Variants in PIP4K2A observed in about 807,000 individuals in gnomAD.
The protein encoded by PIP4K2A is phosphatidylinositol 5-phosphate 4-kinase type-2 alpha.
In PIP4K2A, 14 loss-of-function variants were observed where a neutral mutation model predicts 42.9. The ratio of observed to expected loss-of-function variants is 0.33; its 90% confidence interval spans 0.22 to 0.51. PIP4K2A has a LOEUF of 0.51. Among genes scored for constraint, PIP4K2A ranks in the 20% least tolerant of loss-of-function variants. The pLI, the probability that PIP4K2A is intolerant of heterozygous loss-of-function variation, is 0.97. For missense variants in PIP4K2A, 434 were observed against 519.8 expected (o/e 0.83, Z 1.61); for synonymous variants, 192 against 192.2 (o/e 1.00, Z 0.01).
intron 1 of PIP4K2A, among the ~76,000 whole-genome samples, chr10:22,679,512 T>C (rs901956280): frequency 1.3e-5 from 2 of 152,142 alleles, no homozygotes. Context: ...CTCAGAAAAT[T>C]AAACACAGAG....
rs1473579409 is a variant in PIP4K2A at position 22,683,345 on chromosome 10, T to C, written c.144+30838A>G. On this transcript the variant is annotated intron_variant, in intron 1 of 9. Coordinates refer to ENST00000376573, the MANE Select transcript of PIP4K2A (RefSeq NM_005028.5). ...TTTCACAGTGATCCTAAGTCTTCCA[T>C]GCTGTGGTACAGACCCCAAGTTTTC... Among the ~76,000 whole-genome samples, 7 of 152,252 alleles carry C rather than the reference T, an allele frequency of 4.6e-5. No individual in the cohort carries two copies. The East Asian group carries it at 1.4e-3, about 29-fold the overall frequency.
At chr10:22,659,316 T>G (rs1171498) in intron 1 of PIP4K2A, among the ~76,000 whole-genome samples, 4,567 of 152,302 alleles carry the variant, frequency 0.03, 90 homozygotes, top group Non-Finnish European at 0.041. Context: ...TTGATTTGGC[T>G]GGGTGCAGTG....
intron 3 of PIP4K2A, among the ~76,000 whole-genome samples, chr10:22,602,491 C>T (rs973159299): frequency 2.0e-5 from 3 of 151,900 alleles, no homozygotes; most frequent in Non-Finnish European, 4.4e-5. Context: ...TTCCCCTGAG[C>T]AAAACCCACA....
chr10:22,660,289 G>A (rs1336655219), intron 1 of PIP4K2A, among the ~76,000 whole-genome samples: 2 of 152,022 alleles, frequency 1.3e-5, no homozygotes, highest in African/African-American at 4.8e-5. Flanking sequence ...TGGGCAACAT[G>A]GTCAAACCCC....
intron 7 of PIP4K2A, among the ~76,000 whole-genome samples, chr10:22,548,544 A>T (rs767324329): frequency 3.3e-5 from 5 of 152,208 alleles, no homozygotes; most frequent in Non-Finnish European, 5.9e-5. Context: ...GGATTTGCTG[A>T]TTAATCAATA....
chr10:22,660,986 T>C (rs1173626000), intron 1 of PIP4K2A, among the ~76,000 whole-genome samples: 1 of 152,184 alleles, frequency 6.6e-6, no homozygotes, highest in Non-Finnish European at 1.5e-5. Context: ...GCCACTCAGG[T>C]GTGGGACAAC....
intron 1 of PIP4K2A, among the ~76,000 whole-genome samples, chr10:22,657,368 C>G (rs1021492888): frequency 6.6e-6 from 1 of 152,214 alleles, no homozygotes; most frequent in Non-Finnish European, 1.5e-5. Context: ...ACCAGTCTTC[C>G]ATCAGCCCTT....
intron 1 of PIP4K2A, among the ~76,000 whole-genome samples, chr10:22,688,433 C>T (rs1268931434): frequency 5.3e-5 from 8 of 152,140 alleles, no homozygotes; most frequent in Admixed American, 3.9e-4. Context: ...GGGAAAACCA[C>T]AAAGTATCTA....
intron 1 of PIP4K2A, among the ~76,000 whole-genome samples, chr10:22,702,347 A>C (rs1473665185): frequency 6.6e-6 from 1 of 152,252 alleles, no homozygotes; most frequent in Non-Finnish European, 1.5e-5. Flanking sequence ...ACTTCTGAAT[A>C]CTACAATTTT....
intron 1 of PIP4K2A, among the ~76,000 whole-genome samples, chr10:22,711,334 TAACA>T (rs139088239): frequency 0.012 from 1,753 of 152,356 alleles, 20 homozygotes; most frequent in Middle Eastern, 0.082. Context: ...ACATTCAATA[TAACA>T]AACCCTTAGT....
intron 1 of PIP4K2A, among the ~76,000 whole-genome samples, chr10:22,624,459 A>G (rs1478062014): frequency 1.3e-5 from 2 of 152,238 alleles, no homozygotes; most frequent in Non-Finnish European, 2.9e-5. Context: ...ATCAAAGTAA[A>G]GATGATTCTA....
At chr10:22,602,551 G>A (rs1564438601) in intron 3 of PIP4K2A, among the ~76,000 whole-genome samples, 1 of 152,052 alleles carries the variant, frequency 6.6e-6, no homozygotes, top group Non-Finnish European at 1.5e-5. Flanking sequence ...GTGTCTTTGT[G>A]TTTCTTGCTA....
intron 4 of PIP4K2A, among the ~76,000 whole-genome samples, chr10:22,579,381 T>A (rs1279663304): frequency 6.6e-6 from 1 of 152,234 alleles, no homozygotes; most frequent in East Asian, 1.9e-4. Context: ...CGATGATTTA[T>A]ACAGAATTCA....
Position 22,573,218 on chromosome 10 carries a change from G to A in PIP4K2A, c.639+93C>T, listed in dbSNP as rs549166702. The A allele has an allele frequency of 1.0e-5, 12 of 1,152,296 alleles. No homozygotes were observed. In the East Asian group the frequency reaches 2.8e-4, roughly 27 times the overall value. 71.4% of individuals were successfully genotyped at this position (1,152,296 alleles called of 1,614,324 possible). A position where few individuals can be genotyped will look rare whatever the true frequency, so the allele number is the denominator to read the frequency against. On this transcript the variant is annotated intron_variant, in intron 5 of 9. Coordinates refer to ENST00000376573, the MANE Select transcript of PIP4K2A (RefSeq NM_005028.5). ...GTCTGGTAGCTTTAAGTGCTGAGCG[G>A]CTCCTAAGCATTTCTGATGATCAAT...
chr10:22,573,187 C>A, intron 5 of PIP4K2A, 124 bp downstream of exon 5: 1 of 821,468 alleles, frequency 1.2e-6, no homozygotes, highest in Non-Finnish European at 2.0e-6. Flanking sequence ...GAATACACTG[C>A]TACTTGTCTG....
chr10:22,669,896 T>C lies in PIP4K2A; in HGVS notation c.144+44287A>G, dbSNP rs182900499. Among the ~76,000 whole-genome samples the C allele has an allele frequency of 1.8e-3, 275 of 152,304 alleles. 3 individuals are homozygous for C. The highest frequency in any genetic ancestry group is 5.7e-3 in the African/African-American group (238 of 41,566). ...CTGTTAGTTCACAAGCTGACCATGATTACAGAAAGCCAGGCTGGGCCAGCC... is the reference window on the plus strand; with the variant it reads ...CTGTTAGTTCACAAGCTGACCATGACTACAGAAAGCCAGGCTGGGCCAGCC... On this transcript the variant is annotated intron_variant, in intron 1 of 9. Coordinates refer to ENST00000376573, the MANE Select transcript of PIP4K2A (RefSeq NM_005028.5).
Position 22,683,730 on chromosome 10 carries a change from C to T in PIP4K2A, c.144+30453G>A, listed in dbSNP as rs146121550. Among the ~76,000 whole-genome samples, 75 of 152,068 alleles carry T rather than the reference C, an allele frequency of 4.9e-4. No individual in the cohort carries two copies. The East Asian group carries it at 0.014, about 29-fold the overall frequency. On this transcript the variant is annotated intron_variant, in intron 1 of 9. Coordinates refer to ENST00000376573, the MANE Select transcript of PIP4K2A (RefSeq NM_005028.5). The stretch of plus-strand genomic sequence containing the variant: ...ATCACAGCTTCATCTTTCCAGACTG[C>T]AGCGTCCCTCCTGACTGTAATTTCT...
At chr10:22,560,375 T>C (rs1008154194) in intron 6 of PIP4K2A, among the ~76,000 whole-genome samples, 7 of 152,124 alleles carry the variant, frequency 4.6e-5, no homozygotes, top group Non-Finnish European at 8.8e-5. Flanking sequence ...GCAGCCCAGA[T>C]GACCAGATAG....
At chr10:22,628,139 T>A (rs61531925) in intron 1 of PIP4K2A, among the ~76,000 whole-genome samples, 21,829 of 152,144 alleles carry the variant, frequency 0.14, 1,881 homozygotes, top group African/African-American at 0.24. Context: ...ATGCCAATGA[T>A]TAAGTTTCTG....
Sources: gnomAD v4.1 joint callset for allele counts (sites outside exome capture counted in the v4.1 genomes callset) on GRCh38, gnomAD v4.1.1 for gene constraint, MANE v1.5 for transcripts, NCBI Gene and HGNC (gene_info 2026-07-23, HGNC 2026-07-21) for gene names.